NTM: variants seen among roughly 807,000 people sequenced by gnomAD.
The protein encoded by NTM is neurotrimin.
A neutral mutation model predicts 42.1 loss-of-function variants in NTM; 13 were observed. That is an observed-to-expected ratio of 0.31 (90% confidence interval 0.20 to 0.49). NTM has a LOEUF of 0.49. NTM is among the 20% of genes least tolerant of loss of function. The probability of loss-of-function intolerance (pLI) is 0.99; values close to 1 mark genes in which losing one functional copy is unlikely to be tolerated. For missense variants in NTM, 373 were observed against 452.8 expected (o/e 0.82, Z 1.60); for synonymous variants, 187 against 179.2 (o/e 1.04, Z -0.35).
intron 2 of NTM, among the ~76,000 whole-genome samples, chr11:132,145,561 T>A (rs1486678981): frequency 6.6e-6 from 1 of 152,210 alleles, no homozygotes; most frequent in African/African-American, 2.4e-5. Flanking sequence ...GGACTCCAGA[T>A]GCAAAAATAA....
At chr11:132,216,769 G>C (rs1316550910) in intron 4 of NTM, among the ~76,000 whole-genome samples, 2 of 152,202 alleles carry the variant, frequency 1.3e-5, no homozygotes, top group African/African-American at 4.8e-5. Flanking sequence ...GCCCCAAAGA[G>C]GCATGCCTGT....
intron 1 of NTM, among the ~76,000 whole-genome samples, chr11:131,477,603 C>T (rs1346035095): frequency 6.6e-6 from 1 of 151,934 alleles, no homozygotes; most frequent in Non-Finnish European, 1.5e-5. Context: ...CATATCCACC[C>T]TGTTCTCCTT....
chr11:132,226,486 T>C (rs1292499862), intron 4 of NTM, among the ~76,000 whole-genome samples: 1 of 152,240 alleles, frequency 6.6e-6, no homozygotes, highest in East Asian at 1.9e-4. Context: ...TTTCATATGT[T>C]TATTGGCTGT....
At chr11:131,672,749 A>C (rs1023946774) in intron 1 of NTM, among the ~76,000 whole-genome samples, 1 of 152,082 alleles carries the variant, frequency 6.6e-6, no homozygotes, top group South Asian at 2.1e-4. Flanking sequence ...TGGAATTCAA[A>C]TACCCATGGA....
intron 1 of NTM, among the ~76,000 whole-genome samples, chr11:131,890,593 T>A (rs2051172698): frequency 2.0e-5 from 3 of 152,200 alleles, no homozygotes; most frequent in Admixed American, 6.5e-5. Context: ...AGATTGATTT[T>A]CTGGGTTTTT....
At chr11:131,691,173 C>A (rs530670949) in intron 1 of NTM, among the ~76,000 whole-genome samples, 1 of 152,304 alleles carries the variant, frequency 6.6e-6, no homozygotes, top group Non-Finnish European at 1.5e-5. Context: ...CCCAGGCCAC[C>A]CCCGGCCCTG....
chr11:131,693,601 C>T (rs1409513209), intron 1 of NTM, among the ~76,000 whole-genome samples: 1 of 152,150 alleles, frequency 6.6e-6, no homozygotes, highest in Non-Finnish European at 1.5e-5. Flanking sequence ...CCAGCACCAG[C>T]CCCATCTGTT....
chr11:131,757,416 A>G (rs2083484664), intron 1 of NTM, among the ~76,000 whole-genome samples: 1 of 152,144 alleles, frequency 6.6e-6, no homozygotes, highest in African/African-American at 2.4e-5. Context: ...ACCAGGTCAC[A>G]CCGTTTTCCC....
chr11:132,208,115 A>G (rs2082263858), intron 3 of NTM, among the ~76,000 whole-genome samples: 1 of 152,254 alleles, frequency 6.6e-6, no homozygotes, highest in East Asian at 1.9e-4. Context: ...AGTGATGAGA[A>G]GTCAGATATA....
intron 1 of NTM, among the ~76,000 whole-genome samples, chr11:131,450,011 A>G (rs758856199): frequency 6.6e-6 from 1 of 152,200 alleles, no homozygotes; most frequent in Non-Finnish European, 1.5e-5. Context: ...AGCTAAGGTC[A>G]TGGTTACCTC....
chr11:131,424,600 C>CTTTCTTTTTTTTTTTTT (rs1947878678), intron 1 of NTM, among the ~76,000 whole-genome samples: 1 of 56,052 alleles, frequency 1.8e-5, no homozygotes, highest in Non-Finnish European at 3.2e-5. Flanking sequence ...CTTTTCTTTT[C>CTTTCTTTTTTTTTTTTT]TTTTTTTTTT....
At chr11:131,408,182 C>T (rs1946015253) in intron 1 of NTM, among the ~76,000 whole-genome samples, 1 of 152,146 alleles carries the variant, frequency 6.6e-6, no homozygotes, top group South Asian at 2.1e-4. Context: ...AGTGATTGCT[C>T]TGGTCCAGGA....
intron 1 of NTM, among the ~76,000 whole-genome samples, chr11:131,632,863 C>G (rs531603623): frequency 6.7e-6 from 1 of 148,384 alleles, no homozygotes; most frequent in Non-Finnish European, 1.5e-5. Flanking sequence ...TTAGTAGAGA[C>G]GGGGTTTCAC....
chr11:131,815,437 C>G (rs952705321), intron 1 of NTM, among the ~76,000 whole-genome samples: 3 of 152,182 alleles, frequency 2.0e-5, no homozygotes, highest in African/African-American at 7.2e-5. Flanking sequence ...GAGCAGGCAC[C>G]ATCCCTCCTC....
rs545237064 is a variant in NTM, at chr11:131,853,983, T to A, written c.83-57581T>A. Among the ~76,000 whole-genome samples the A allele has an allele frequency of 4.6e-5, 7 of 152,344 alleles. No homozygotes were observed. The East Asian group carries it at 1.4e-3, about 29-fold the overall frequency. On this transcript the variant is annotated intron_variant, in intron 1 of 8. Transcript: ENST00000683400. The stretch of plus-strand genomic sequence containing the variant: ...TTTTTGGCATAATTTTCTAGAAAGC[T>A]AGTAATACAGATTATACATTAGAAG...
chr11:132,118,176 G>C (rs2064172227), intron 2 of NTM, among the ~76,000 whole-genome samples: 1 of 152,234 alleles, frequency 6.6e-6, no homozygotes, highest in Admixed American at 6.5e-5. Flanking sequence ...TATTTTAAAA[G>C]CGTAAGTTGA....
Position 131,536,634 on chromosome 11 carries a change from C to T in NTM, c.82+165746C>T, listed in dbSNP as rs565392145. 20 of 152,236 alleles carry T rather than the reference C, an allele frequency of 1.3e-4. No homozygotes were observed. The East Asian group carries it at 3.7e-3, about 28-fold the overall frequency. 9.4% of individuals were successfully genotyped at this position (152,236 alleles called of 1,614,324 possible). On this transcript the variant is annotated intron_variant, in intron 1 of 8. Coordinates refer to ENST00000683400, the MANE Select transcript of NTM (RefSeq NM_001352005.2). ...ATCAGAAATTTACCTGCTACTCATC[C>T]ATCAATCTGACACTTTTGATTGTAT... is the stretch of plus-strand genomic sequence containing the variant.
At chr11:131,713,901 G>A (rs1214615289) in intron 1 of NTM, among the ~76,000 whole-genome samples, 1 of 152,214 alleles carries the variant, frequency 6.6e-6, no homozygotes, top group Admixed American at 6.5e-5. Context: ...GGTGACTTGA[G>A]AGATTTTAGT....
intron 1 of NTM, among the ~76,000 whole-genome samples, chr11:131,746,836 T>A (rs1029226013): frequency 2.0e-5 from 3 of 152,166 alleles, no homozygotes; most frequent in Admixed American, 1.3e-4. Flanking sequence ...CAACAAATTA[T>A]TATAACAATG....
Sources: gnomAD v4.1 joint callset for allele counts (sites outside exome capture counted in the v4.1 genomes callset) on GRCh38, gnomAD v4.1.1 for gene constraint, MANE v1.5 for transcripts, NCBI Gene and HGNC (gene_info 2026-07-23, HGNC 2026-07-21) for gene names.